PXDNL: variants seen among roughly 807,000 people sequenced by gnomAD.
The protein encoded by PXDNL is probable oxidoreductase PXDNL.
In PXDNL, 145 loss-of-function variants were observed where a neutral mutation model predicts 150.8. The ratio of observed to expected loss-of-function variants is 0.96; its 90% CI spans 0.84 to 1.10. The LOEUF is 1.10. Ranked by LOEUF, PXDNL falls within the 50% of genes least tolerant of loss-of-function variation. The pLI is 0.00. For missense variants in PXDNL, 2,087 were observed against 1,873.9 expected (o/e 1.11, Z -2.10); for synonymous variants, 757 against 725.7 (o/e 1.04, Z -0.69).
At chr8:51,660,641 TTC>T (rs1421440477) in intron 1 of PXDNL, among the ~76,000 whole-genome samples, 1 of 152,152 alleles carries the variant, frequency 6.6e-6, no homozygotes, top group Non-Finnish European at 1.5e-5. Flanking sequence ...GCCAAAAGCA[TTC>T]CTATTGAAGG....
intron 2 of PXDNL, among the ~76,000 whole-genome samples, chr8:51,594,709 T>C (rs575865945): frequency 1.1e-3 from 175 of 152,316 alleles, no homozygotes; most frequent in African/African-American, 3.9e-3. Context: ...ACATATTTCT[T>C]GTCAAGTTTT....
Position 51,408,126 on chromosome 8 carries a change from C to T in PXDNL, c.3498G>A (p.Lys1166=), listed in dbSNP as rs760931614. The change falls in exon 17 of 23, where the codon AAG becomes AAA. Residue 1166 remains lysine (K), a synonymous_variant. Transcript: ENST00000356297. ...TTTCATTTTGAAGATCCTCAAAGTT[C>T]TTAACTGAAGTCAAATTACAGAAAA... ...FRVFCNLTSV[K]NFEDLQNEIK... is the part of the protein sequence containing the mutation. 1.9e-6 allele frequency: 3 copies of T among 1,613,028 alleles called. No individual in the cohort carries two copies. The highest frequency in any genetic ancestry group is 3.3e-5 in the Admixed American group (2 of 59,744).
At chr8:51,371,832 T>C (rs779887148) in intron 19 of PXDNL, 41 bp downstream of exon 19, 12 of 1,480,960 alleles carry the variant, frequency 8.1e-6, no homozygotes, top group Admixed American at 3.4e-5. Context: ...CATGAGAACA[T>C]GCACATCAAT....
chr8:51,790,679 G>C (rs528736634), intron 1 of PXDNL, among the ~76,000 whole-genome samples: 20 of 152,060 alleles, frequency 1.3e-4, no homozygotes, highest in African/African-American at 4.6e-4. Context: ...CGAGGGAAGG[G>C]CCTGGAGGCG....
intron 1 of PXDNL, among the ~76,000 whole-genome samples, chr8:51,755,778 G>C (rs1450795874): frequency 6.6e-6 from 1 of 152,138 alleles, no homozygotes; most frequent in African/African-American, 2.4e-5. Context: ...CTTCTGTTGA[G>C]GGTAATGCTA....
intron 1 of PXDNL, among the ~76,000 whole-genome samples, chr8:51,754,693 T>C (rs973761576): frequency 1.3e-5 from 2 of 151,896 alleles, no homozygotes; most frequent in South Asian, 2.1e-4. Context: ...TTAGTAGAGA[T>C]ACGGTTTCAC....
At position 51,408,112 on chromosome 8, in the gene PXDNL, A is replaced by T; in HGVS notation, c.3512T>A (p.Leu1171His). ...NLTSVKNFEDLQNEIKDSEIR... is the reference protein window; with the variant it reads ...NLTSVKNFEDHQNEIKDSEIR... ...CTCTGAATCTTTAATTTCATTTTGAAGATCCTCAAAGTTCTTAACTGAAGT... is the reference window on the plus strand; with the variant it reads ...CTCTGAATCTTTAATTTCATTTTGATGATCCTCAAAGTTCTTAACTGAAGT... The change falls in exon 17 of 23, where the codon CTT becomes CAT. Residue 1171 changes from leucine (L) to histidine (H), a missense_variant. By Grantham distance (99) the Leu-to-His change is moderately conservative (BLOSUM62 -3). Coordinates refer to ENST00000356297, the MANE Select transcript of PXDNL (RefSeq NM_144651.5). 1 of 1,606,112 alleles carries T rather than the reference A, an allele frequency of 6.2e-7. No homozygotes were observed. Among genetic ancestry groups the T allele is most frequent in the Non-Finnish European group, 8.5e-7 (1 of 1,177,990 alleles).
intron 19 of PXDNL, among the ~76,000 whole-genome samples, chr8:51,360,577 A>C (rs944897912): frequency 4.6e-5 from 7 of 152,242 alleles, no homozygotes; most frequent in Non-Finnish European, 2.9e-5. Flanking sequence ...ACACAGTTAT[A>C]TACACACATA....
Position 51,656,679 on chromosome 8 carries a change from GA to G in PXDNL, c.165-1920del, listed in dbSNP as rs1028345665. 4.7e-4 allele frequency among the ~76,000 whole-genome samples: 72 copies of G among 152,194 alleles called. 2 individuals carry two copies. The highest frequency in any genetic ancestry group is 1.6e-3 in the African/African-American group (68 of 41,544). ...GGCTTTGAAATTTCTGAAAAATTCA[GA>G]AAAGTACAAATGAGAAAATAATAAT... On this transcript the variant is annotated intron_variant, in intron 1 of 22. Coordinates refer to ENST00000356297, the MANE Select transcript of PXDNL (RefSeq NM_144651.5).
intron 4 of PXDNL, among the ~76,000 whole-genome samples, chr8:51,509,870 TGC>T: frequency 6.6e-6 from 1 of 151,846 alleles, no homozygotes; most frequent in Non-Finnish European, 1.5e-5. Context: ...CATTATACTA[TGC>T]AATATGCTTG....
At chr8:51,713,145 G>A (rs1455814518) in intron 1 of PXDNL, among the ~76,000 whole-genome samples, 1 of 152,170 alleles carries the variant, frequency 6.6e-6, no homozygotes, top group East Asian at 1.9e-4. Flanking sequence ...CTTAAAACAA[G>A]CATACATTTG....
chr8:51,672,634 G>C (rs80252470), intron 1 of PXDNL, among the ~76,000 whole-genome samples: 4,775 of 152,166 alleles, frequency 0.031, 258 homozygotes, highest in African/African-American at 0.11. Context: ...AAATATAAAA[G>C]AAATATAAAA....
intron 17 of PXDNL, among the ~76,000 whole-genome samples, chr8:51,383,034 C>T (rs532178758): frequency 2.6e-4 from 40 of 152,274 alleles, no homozygotes; most frequent in African/African-American, 8.4e-4. Flanking sequence ...TGGGAGTCTT[C>T]GTGCATATCC....
chr8:51,695,486 A>G (rs55670024), intron 1 of PXDNL, among the ~76,000 whole-genome samples: 128,533 of 151,806 alleles, frequency 0.85, 54,769 homozygotes, highest in African/African-American at 0.94. Flanking sequence ...ACACACGCAC[A>G]CACGCACGCA....
rs28533477 is a variant in PXDNL, at chr8:51,364,564, G to A, written c.3901+7309C>T. The stretch of plus-strand genomic sequence containing the variant: ...GGAGATGGTTGTGTGGACTCATGGG[G>A]TATACTTTTATTTTGTGAAAGATAT... On this transcript the variant is annotated intron_variant, in intron 19 of 22. Coordinates refer to ENST00000356297, the MANE Select transcript of PXDNL (RefSeq NM_144651.5). Among the ~76,000 whole-genome samples, 732 of 152,252 alleles carry A rather than the reference G, an allele frequency of 4.8e-3. 6 individuals carry two copies. The highest frequency in any genetic ancestry group is 0.017 in the African/African-American group (693 of 41,540).
chr8:51,744,971 A>C, intron 1 of PXDNL, among the ~76,000 whole-genome samples: 1 of 23,630 alleles, frequency 4.2e-5, no homozygotes, highest in Admixed American at 6.8e-4. Flanking sequence ...AAAGAAAGAA[A>C]GAAAGAAAGA....
At chr8:51,779,822 G>A (rs1476830063) in intron 1 of PXDNL, among the ~76,000 whole-genome samples, 1 of 152,228 alleles carries the variant, frequency 6.6e-6, no homozygotes, top group Admixed American at 6.5e-5. Flanking sequence ...GGCAGGCAGG[G>A]ACATCACTTG....
chr8:51,368,604 C>A (rs114467574), intron 19 of PXDNL, among the ~76,000 whole-genome samples: 1,774 of 152,200 alleles, frequency 0.012, 28 homozygotes, highest in African/African-American at 0.04. Context: ...TTTAATCATA[C>A]ATTTCATTCT....
intron 1 of PXDNL, among the ~76,000 whole-genome samples, chr8:51,778,372 G>A (rs1029382405): frequency 4.6e-5 from 7 of 152,068 alleles, no homozygotes; most frequent in Admixed American, 6.5e-5. Flanking sequence ...AATTCATGAC[G>A]GTGACTTTGG....
Sources: allele counts gnomAD v4.1 joint callset (sites outside exome capture counted in the v4.1 genomes callset), GRCh38; gene constraint gnomAD v4.1.1; transcripts MANE v1.5; gene names NCBI Gene and HGNC (gene_info 2026-07-23, HGNC 2026-07-21).